The following SLC35F4 variants were observed in gnomAD, a reference collection of about 807,000 sequenced individuals.
SLC35F4 encodes chromosome 14 open reading frame 36.
SLC35F4 carries 24 observed loss-of-function variants against 44.2 expected under a neutral mutation model. The ratio of observed to expected loss-of-function variants is 0.54; its 90% CI spans 0.39 to 0.76. SLC35F4 has a LOEUF of 0.76. SLC35F4 is among the 30% of genes least tolerant of loss of function. The pLI is 0.00. For synonymous variants in SLC35F4, 238 were observed against 223.6 expected, an observed-to-expected ratio of 1.06 and a Z score of -0.57; for missense variants, 562 against 586.1, an observed-to-expected ratio of 0.96 and a Z score of 0.42.
intron 1 of SLC35F4, among the ~76,000 whole-genome samples, chr14:57,709,035 G>T (rs371242877): frequency 6.6e-6 from 1 of 152,178 alleles, no homozygotes; most frequent in African/African-American, 2.4e-5. Flanking sequence ...ACATGAAAGC[G>T]GACTAGGAGC....
intron 1 of SLC35F4, among the ~76,000 whole-genome samples, chr14:57,648,377 C>T (rs1274442543): frequency 6.6e-6 from 1 of 152,128 alleles, no homozygotes; most frequent in Non-Finnish European, 1.5e-5. Flanking sequence ...TAGCTACTAA[C>T]ACTGTATATT....
intron 1 of SLC35F4, among the ~76,000 whole-genome samples, chr14:57,605,563 TGA>T (rs1430691078): frequency 6.6e-6 from 1 of 152,158 alleles, no homozygotes; most frequent in Admixed American, 6.5e-5. Context: ...CTCAGAGAAC[TGA>T]GAGTTAAACT....
chr14:57,652,789 A>T (rs1039675737), intron 1 of SLC35F4, among the ~76,000 whole-genome samples: 1 of 152,230 alleles, frequency 6.6e-6, no homozygotes, highest in Non-Finnish European at 1.5e-5. Flanking sequence ...GACTTATGCT[A>T]AAATGTACAC....
rs576730687 is a variant in SLC35F4 at position 57,621,512 on chromosome 14, T to C, written c.104-27388A>G. 2.5e-3 allele frequency among the ~76,000 whole-genome samples: 386 copies of C among 152,082 alleles called. 1 individual carries two copies. The highest frequency in any genetic ancestry group is 8.8e-3 in the African/African-American group (367 of 41,482). On this transcript the variant is annotated intron_variant, in intron 1 of 7. Transcript: ENST00000556826. Reference sequence around the variant, plus strand: ...AGAACAGAGCCCTCAGAAATAACACTACATATCTACAACTATCTGATCTTT... The same window carrying C: ...AGAACAGAGCCCTCAGAAATAACACCACATATCTACAACTATCTGATCTTT...
intron 1 of SLC35F4, among the ~76,000 whole-genome samples, chr14:57,653,635 TC>T (rs1029356321): frequency 6.6e-6 from 1 of 152,150 alleles, no homozygotes; most frequent in African/African-American, 2.4e-5. Context: ...TTATTTAGCT[TC>T]CCAGTCAAGC....
At chr14:57,742,638 C>T (rs1049712422) in intron 1 of SLC35F4, among the ~76,000 whole-genome samples, 1 of 151,996 alleles carries the variant, frequency 6.6e-6, no homozygotes, top group African/African-American at 2.4e-5. Context: ...ACTTTAACAC[C>T]CCACTTTCAA....
At chr14:57,628,289 G>A (rs923752723) in intron 1 of SLC35F4, among the ~76,000 whole-genome samples, 2 of 144,492 alleles carry the variant, frequency 1.4e-5, no homozygotes, top group Admixed American at 7.2e-5. Flanking sequence ...CTCAAGAAAA[G>A]TATTGTTATG....
chr14:57,969,413 C>T (rs1880983934), intron 1 of SLC35F4, among the ~76,000 whole-genome samples: 1 of 152,116 alleles, frequency 6.6e-6, no homozygotes, highest in Admixed American at 6.6e-5. Flanking sequence ...TTTAATTGAA[C>T]ATTTTTATTG....
chr14:57,815,687 G>A (rs1375480183), intron 1 of SLC35F4, among the ~76,000 whole-genome samples: 3 of 151,944 alleles, frequency 2.0e-5, no homozygotes, highest in Non-Finnish European at 4.4e-5. Flanking sequence ...TGCAGGAGGC[G>A]CTCCTACCCA....
intron 1 of SLC35F4, among the ~76,000 whole-genome samples, chr14:57,657,565 C>G (rs1247767255): frequency 1.3e-5 from 2 of 152,168 alleles, no homozygotes; most frequent in East Asian, 3.8e-4. Flanking sequence ...AATCTAGGAT[C>G]CTGTGCCGGC....
intron 1 of SLC35F4, among the ~76,000 whole-genome samples, chr14:57,636,728 C>T (rs1022134572): frequency 9.9e-5 from 15 of 151,940 alleles, no homozygotes; most frequent in African/African-American, 3.4e-4. Flanking sequence ...CAGATAAAAT[C>T]CCATGCTCTC....
intron 1 of SLC35F4, among the ~76,000 whole-genome samples, chr14:57,908,903 T>G (rs1889161381): frequency 6.6e-6 from 1 of 152,190 alleles, no homozygotes; most frequent in Non-Finnish European, 1.5e-5. Flanking sequence ...CTTCTAGGAT[T>G]TTTATAGTTT....
intron 1 of SLC35F4, among the ~76,000 whole-genome samples, chr14:57,923,494 A>C (rs1889483398): frequency 6.6e-6 from 1 of 152,218 alleles, no homozygotes; most frequent in African/African-American, 2.4e-5. Context: ...GGAAATACAG[A>C]ATTCTATCCA....
chr14:57,679,380 T>C (rs192792988), intron 1 of SLC35F4, among the ~76,000 whole-genome samples: 5 of 152,202 alleles, frequency 3.3e-5, no homozygotes, highest in Admixed American at 1.3e-4. Flanking sequence ...AAGCAGTTTA[T>C]AGAGGGAAAT....
chr14:57,649,674 G>T lies in SLC35F4; in HGVS notation c.104-55550C>A, dbSNP rs137881040. On this transcript the variant is annotated intron_variant, in intron 1 of 7. Coordinates refer to ENST00000556826, the MANE Select transcript of SLC35F4 (RefSeq NM_001306087.2). ...ACAGCATGTCACAGACTATGGAAAT[G>T]GGCCATATCTATTTTTCTCCACTGT... 5.9e-5 allele frequency among the ~76,000 whole-genome samples: 9 copies of T among 152,258 alleles called. No individual in the cohort carries two copies. The East Asian group carries it at 1.7e-3, about 29-fold the overall frequency.
At chr14:57,741,725 A>G (rs866706418) in intron 1 of SLC35F4, among the ~76,000 whole-genome samples, 5 of 152,158 alleles carry the variant, frequency 3.3e-5, no homozygotes, top group Non-Finnish European at 5.9e-5. Context: ...CAAATTCAGG[A>G]AATACAGAGA....
chr14:57,718,833 C>G (rs28820916), intron 1 of SLC35F4, among the ~76,000 whole-genome samples: 60,207 of 151,860 alleles, frequency 0.4, 11,956 homozygotes, highest in Middle Eastern at 0.42. Flanking sequence ...TGTACAGAAG[C>G]TTTTTAATGT....
rs550913012 is a variant in SLC35F4, at chr14:57,619,549, CAG to C, written c.104-25427_104-25426del. ...GACCCCATGCCAAGGTCACTAACAT[CAG>C]AGACCAAAGGTAGATAAATCCATGA... On this transcript the variant is annotated intron_variant, in intron 1 of 7. Transcript: ENST00000556826. 3.5e-3 allele frequency among the ~76,000 whole-genome samples: 534 copies of C among 152,208 alleles called. 2 individuals are homozygous for C. The highest frequency in any genetic ancestry group is 6.5e-3 in the Non-Finnish European group (439 of 67,988).
At chr14:57,628,755 G>T (rs1222856179) in intron 1 of SLC35F4, among the ~76,000 whole-genome samples, 2 of 152,098 alleles carry the variant, frequency 1.3e-5, no homozygotes, top group African/African-American at 4.8e-5. Context: ...AATAATAAGA[G>T]TTTGGGCTCC....
Sources: gnomAD v4.1 joint callset for allele counts (sites outside exome capture counted in the v4.1 genomes callset) on GRCh38, gnomAD v4.1.1 for gene constraint, MANE v1.5 for transcripts, NCBI Gene and HGNC (gene_info 2026-07-23, HGNC 2026-07-21) for gene names.